The following PLCB1 variants were observed in gnomAD, a reference collection of about 807,000 sequenced individuals.
PLCB1 encodes 1-phosphatidylinositol 4,5-bisphosphate phosphodiesterase beta-1.
PLCB1 carries 46 observed loss-of-function variants against 161.8 expected under a neutral mutation model. The ratio of observed to expected loss-of-function variants is 0.28; its 90% CI spans 0.22 to 0.36. The LOEUF (loss-of-function observed/expected upper bound fraction) is 0.36. Ranked by LOEUF, PLCB1 falls within the 10% of genes least tolerant of loss-of-function variation. The pLI is 1.00. For synonymous variants in PLCB1, 517 were observed against 503.7 expected (o/e 1.03, Z -0.35); for missense variants, 1,016 against 1,472.5 (o/e 0.69, Z 5.07).
At chr20:8,609,530 A>G (rs1045031249) in intron 3 of PLCB1, among the ~76,000 whole-genome samples, 10 of 152,300 alleles carry the variant, frequency 6.6e-5, no homozygotes, top group Non-Finnish European at 2.9e-5. Context: ...TATTTTAACC[A>G]TCTTTTTTCT....
intron 2 of PLCB1, among the ~76,000 whole-genome samples, chr20:8,268,619 C>G (rs1261708216): frequency 1.3e-5 from 2 of 152,180 alleles, no homozygotes; most frequent in African/African-American, 4.8e-5. Flanking sequence ...CACATCCTCT[C>G]CAGCACCTGT....
intron 2 of PLCB1, among the ~76,000 whole-genome samples, chr20:8,352,309 G>T (rs1415849077): frequency 6.6e-6 from 1 of 152,070 alleles, no homozygotes; most frequent in Admixed American, 6.6e-5. Flanking sequence ...TTTCAGATTA[G>T]TGGTTACTAG....
At chr20:8,752,034 T>C (rs1462166191) in intron 23 of PLCB1, 2 of 145,298 alleles carry the variant, frequency 1.4e-5, no homozygotes. Flanking sequence ...ATTGTACTCC[T>C]ATAGGTGCTT....
chr20:8,443,884 T>C (rs948694825), intron 3 of PLCB1, among the ~76,000 whole-genome samples: 59 of 152,102 alleles, frequency 3.9e-4, no homozygotes, highest in African/African-American at 1.3e-3. Context: ...AGTCCAGGGG[T>C]CACAATAGCA....
chr20:8,451,064 G>T (rs999541943), intron 3 of PLCB1, among the ~76,000 whole-genome samples: 1 of 152,160 alleles, frequency 6.6e-6, no homozygotes, highest in African/African-American at 2.4e-5. Flanking sequence ...TGGGGTGAAT[G>T]CTAAATCTTT....
intron 15 of PLCB1, among the ~76,000 whole-genome samples, chr20:8,722,833 C>A (rs143784908): frequency 6.6e-6 from 1 of 152,138 alleles, no homozygotes; most frequent in African/African-American, 2.4e-5. Context: ...AGAGACCTCA[C>A]GCCTTTAAAA....
intron 2 of PLCB1, among the ~76,000 whole-genome samples, chr20:8,195,073 G>T (rs1408360992): frequency 6.6e-6 from 1 of 151,880 alleles, no homozygotes; most frequent in African/African-American, 2.4e-5. Flanking sequence ...TGATTTAGCA[G>T]CCTCTTTCCC....
chr20:8,515,428 A>G (rs1224356634), intron 3 of PLCB1, among the ~76,000 whole-genome samples: 1 of 152,170 alleles, frequency 6.6e-6, no homozygotes, highest in African/African-American at 2.4e-5. Flanking sequence ...CTTTCCTCCT[A>G]TCACATAGAT....
chr20:8,417,363 C>G (rs146370804), intron 3 of PLCB1, among the ~76,000 whole-genome samples: 2,310 of 151,124 alleles, frequency 0.015, 171 homozygotes, highest in Admixed American at 0.12. Flanking sequence ...ACATACGCAC[C>G]CACATTTATA....
chr20:8,814,577 A>ATGTGTG (rs10670728), intron 31 of PLCB1, among the ~76,000 whole-genome samples: 4,912 of 145,216 alleles, frequency 0.034, 150 homozygotes, highest in African/African-American at 0.072. Context: ...ATGTACTTGC[A>ATGTGTG]TGTGTGTGTG....
intron 31 of PLCB1, among the ~76,000 whole-genome samples, chr20:8,827,855 A>C (rs1413851154): frequency 6.6e-6 from 1 of 152,246 alleles, no homozygotes; most frequent in African/African-American, 2.4e-5. Context: ...CAAAATTTCT[A>C]TTGAGCACAG....
intron 2 of PLCB1, among the ~76,000 whole-genome samples, chr20:8,260,728 A>G (rs112779505): frequency 3.9e-5 from 6 of 152,288 alleles, no homozygotes; most frequent in African/African-American, 1.4e-4. Flanking sequence ...GAGCTCCTAA[A>G]GAAAGAGCTC....
intron 23 of PLCB1, among the ~76,000 whole-genome samples, chr20:8,745,232 C>A (rs1981109359): frequency 6.6e-6 from 1 of 152,126 alleles, no homozygotes; most frequent in Non-Finnish European, 1.5e-5. Context: ...ACACTTTGAG[C>A]ATCAGTGTGT....
chr20:8,279,975 T>G (rs1489450832), intron 2 of PLCB1, among the ~76,000 whole-genome samples: 2 of 152,170 alleles, frequency 1.3e-5, no homozygotes, highest in African/African-American at 2.4e-5. Context: ...GGTATTCACT[T>G]CATAATGATT....
chr20:8,872,813 C>T (rs1206302646), intron 31 of PLCB1, among the ~76,000 whole-genome samples: 5 of 152,104 alleles, frequency 3.3e-5, no homozygotes, highest in African/African-American at 1.2e-4. Flanking sequence ...GGTGGGCACC[C>T]CTGGCTCTAT....
At chr20:8,507,306 A>G (rs1983678117) in intron 3 of PLCB1, among the ~76,000 whole-genome samples, 1 of 152,128 alleles carries the variant, frequency 6.6e-6, no homozygotes, top group Non-Finnish European at 1.5e-5. Flanking sequence ...CTTGCAACTC[A>G]AACTCATGAT....
intron 27 of PLCB1, among the ~76,000 whole-genome samples, chr20:8,778,205 A>G (rs962155096): frequency 2.0e-5 from 3 of 152,178 alleles, no homozygotes; most frequent in Admixed American, 2.0e-4. Context: ...CCTAATACTC[A>G]CGGGAGATTC....
intron 23 of PLCB1, among the ~76,000 whole-genome samples, chr20:8,755,309 T>G (rs1981684193): frequency 6.6e-6 from 1 of 152,118 alleles, no homozygotes; most frequent in Admixed American, 6.5e-5. Context: ...TTATTATAGG[T>G]CAATTTTTCA....
intron 27 of PLCB1, among the ~76,000 whole-genome samples, chr20:8,781,356 C>T (rs6056106): frequency 0.26 from 39,659 of 150,950 alleles, 5,545 homozygotes; most frequent in Non-Finnish European, 0.32. Context: ...ACATTTTTGT[C>T]AATTTTCCTG....
Sources: allele counts gnomAD v4.1 joint callset (sites outside exome capture counted in the v4.1 genomes callset), GRCh38; gene constraint gnomAD v4.1.1; transcripts MANE v1.5; gene names NCBI Gene and HGNC (gene_info 2026-07-23, HGNC 2026-07-21).